MARCHF1: variants seen among roughly 807,000 people sequenced by gnomAD.
MARCHF1 encodes the protein membrane associated ring-CH-type finger 1.
In MARCHF1, 40 loss-of-function variants were observed where a neutral mutation model predicts 54.2. The observed-to-expected ratio is 0.74, with a 90% confidence interval of 0.57 to 0.96. The LOEUF (loss-of-function observed/expected upper bound fraction) is 0.96, where lower values mean the gene tolerates loss of function less well. MARCHF1 is among the 40% of genes least tolerant of loss of function. The pLI, the probability that MARCHF1 is intolerant of heterozygous loss-of-function variation, is 0.00. For synonymous variants in MARCHF1, 236 were observed against 236.3 expected (o/e 1.00, Z 0.01); for missense variants, 586 against 656.5 (o/e 0.89, Z 1.17).
chr4:163,975,528 A>G (rs1246796599), intron 3 of MARCHF1, among the ~76,000 whole-genome samples: 1 of 152,196 alleles, frequency 6.6e-6, no homozygotes, highest in Non-Finnish European at 1.5e-5. Context: ...CCAGCAGAAT[A>G]ACCTCAAATT....
intron 1 of MARCHF1, among the ~76,000 whole-genome samples, chr4:164,352,983 T>C (rs1730404040): frequency 3.1e-5 from 1 of 32,268 alleles, no homozygotes. Context: ...TAAAACAGAC[T>C]TTAAACCAAC....
At chr4:164,215,645 T>G (rs1256731877) in intron 1 of MARCHF1, among the ~76,000 whole-genome samples, 2 of 152,144 alleles carry the variant, frequency 1.3e-5, no homozygotes, top group Admixed American at 1.3e-4. Context: ...AATCACGTCA[T>G]TGCTTTAAGA....
At chr4:164,232,177 C>T (rs1429082402) in intron 1 of MARCHF1, among the ~76,000 whole-genome samples, 1 of 151,992 alleles carries the variant, frequency 6.6e-6, no homozygotes, top group Non-Finnish European at 1.5e-5. Flanking sequence ...CATTTTCATT[C>T]ATCATTTTTT....
intron 1 of MARCHF1, among the ~76,000 whole-genome samples, chr4:164,257,047 C>T (rs1022412857): frequency 2.0e-5 from 3 of 152,032 alleles, no homozygotes; most frequent in African/African-American, 7.2e-5. Context: ...TTTCCATAAG[C>T]ATGGAATTTA....
intron 5 of MARCHF1, among the ~76,000 whole-genome samples, chr4:163,692,339 G>A (rs903209071): frequency 1.3e-5 from 2 of 152,078 alleles, no homozygotes; most frequent in Admixed American, 6.6e-5. Context: ...ATAAAAATAA[G>A]TAGCAAAGGA....
chr4:163,994,794 CAA>C (rs1753041187), intron 2 of MARCHF1, among the ~76,000 whole-genome samples: 3 of 11,566 alleles, frequency 2.6e-4, no homozygotes, highest in East Asian at 7.4e-3. Context: ...CACACACACA[CAA>C]AACAAATGCA....
At chr4:164,347,416 G>A (rs2110868249) in intron 1 of MARCHF1, among the ~76,000 whole-genome samples, 1 of 152,198 alleles carries the variant, frequency 6.6e-6, no homozygotes, top group African/African-American at 2.4e-5. Context: ...AAAGGGGCCA[G>A]GTGTTTTCCT....
intron 5 of MARCHF1, among the ~76,000 whole-genome samples, chr4:163,687,898 G>C (rs1162051077): frequency 6.6e-6 from 1 of 152,144 alleles, no homozygotes; most frequent in Non-Finnish European, 1.5e-5. Context: ...AATCGAATGA[G>C]GGAATACATG....
intron 8 of MARCHF1, among the ~76,000 whole-genome samples, chr4:163,560,291 C>G (rs1390891418): frequency 6.6e-6 from 1 of 152,138 alleles, no homozygotes; most frequent in Non-Finnish European, 1.5e-5. Flanking sequence ...TTAAAAACAT[C>G]TTCCTTTCCC....
intron 5 of MARCHF1, among the ~76,000 whole-genome samples, chr4:163,637,743 G>A (rs1742392238): frequency 6.6e-6 from 1 of 151,540 alleles, no homozygotes; most frequent in South Asian, 2.1e-4. Flanking sequence ...CCATTACTGG[G>A]TATATACCCA....
At chr4:164,284,602 T>G (rs938863876) in intron 1 of MARCHF1, among the ~76,000 whole-genome samples, 2 of 151,096 alleles carry the variant, frequency 1.3e-5, no homozygotes, top group Non-Finnish European at 2.9e-5. Flanking sequence ...TACAGTCTTA[T>G]AAAGACACAA....
At chr4:164,228,321 C>T (rs1201674077) in intron 1 of MARCHF1, among the ~76,000 whole-genome samples, 2 of 152,106 alleles carry the variant, frequency 1.3e-5, no homozygotes, top group African/African-American at 4.8e-5. Context: ...ATTCCTAAGT[C>T]TATTAGAGAA....
chr4:164,008,919 A>G (rs1047162747), intron 2 of MARCHF1, among the ~76,000 whole-genome samples: 2 of 151,456 alleles, frequency 1.3e-5, no homozygotes, highest in African/African-American at 2.4e-5. Flanking sequence ...CACCTCAAGG[A>G]ATAAAAAACC....
chr4:163,699,063 G>A (rs1170303), intron 5 of MARCHF1, among the ~76,000 whole-genome samples: 59,641 of 152,016 alleles, frequency 0.39, 12,294 homozygotes, highest in East Asian at 0.64. Flanking sequence ...AGTCGGAAGC[G>A]ACACAGCGGT....
intron 3 of MARCHF1, among the ~76,000 whole-genome samples, chr4:163,920,773 G>C (rs1383610035): frequency 6.6e-6 from 1 of 152,170 alleles, no homozygotes; most frequent in Non-Finnish European, 1.5e-5. Context: ...AATATATTAA[G>C]TGAAATCAGT....
intron 4 of MARCHF1, among the ~76,000 whole-genome samples, chr4:163,798,437 G>A (rs7657245): frequency 0.27 from 41,036 of 152,068 alleles, 6,684 homozygotes; most frequent in Non-Finnish European, 0.37. Flanking sequence ...ATAAGACAGA[G>A]AGCATTATCA....
intron 5 of MARCHF1, among the ~76,000 whole-genome samples, chr4:163,657,307 C>A (rs1312650385): frequency 1.3e-5 from 2 of 151,922 alleles, no homozygotes; most frequent in Non-Finnish European, 2.9e-5. Flanking sequence ...CTCCCATTCA[C>A]AATTGCTATA....
At chr4:164,071,767 C>G (rs1754871772) in intron 2 of MARCHF1, among the ~76,000 whole-genome samples, 1 of 152,084 alleles carries the variant, frequency 6.6e-6, no homozygotes, top group Non-Finnish European at 1.5e-5. Flanking sequence ...TCTCACCCTG[C>G]TTTGTGTTTC....
At chr4:163,544,120 C>T (rs1483049685) in intron 9 of MARCHF1, among the ~76,000 whole-genome samples, 1 of 152,080 alleles carries the variant, frequency 6.6e-6, no homozygotes, top group African/African-American at 2.4e-5. Flanking sequence ...GCAGGATGTA[C>T]AGCACACTGT....
Sources: gnomAD v4.1 joint callset for allele counts (sites outside exome capture counted in the v4.1 genomes callset) on GRCh38, gnomAD v4.1.1 for gene constraint, MANE v1.5 for transcripts, NCBI Gene and HGNC (gene_info 2026-07-23, HGNC 2026-07-21) for gene names.